Variants in YY1 observed in about 807,000 individuals in gnomAD.
YY1 encodes transcriptional repressor protein YY1.
YY1 carries 2 observed loss-of-function variants against 35.6 expected under a neutral mutation model. The ratio of observed to expected loss-of-function variants is 0.06; its 90% CI spans 0.02 to 0.18. The LOEUF (loss-of-function observed/expected upper bound fraction) is 0.18. Among genes scored for constraint, YY1 ranks in the 10% least tolerant of loss-of-function variants. The probability of loss-of-function intolerance (pLI) is 1.00; values close to 1 mark genes in which losing one functional copy is unlikely to be tolerated. For missense variants in YY1, 322 were observed against 573.4 expected (o/e 0.56, Z 4.48); for synonymous variants, 268 against 238.9 (o/e 1.12, Z -1.12).
intron 1 of YY1, among the ~76,000 whole-genome samples, chr14:100,247,265 C>T (rs1890847344): frequency 6.6e-6 from 1 of 152,172 alleles, no homozygotes; most frequent in Non-Finnish European, 1.5e-5. Flanking sequence ...ATGAATGTTA[C>T]TTAGTATTTG....
Position 100,281,915 on chromosome 14 carries a change from G to A in YY1, c.*4315G>A, listed in dbSNP as rs942503278. On this transcript the variant is annotated 3_prime_UTR_variant, in exon 5 of 5. Coordinates refer to ENST00000262238, the MANE Select transcript of YY1 (RefSeq NM_003403.5). ...TCCTGGCATCCACCCCCAGGCCCAA[G>A]GGATCAGTGTGGTGCCAGAGAGGAT... is the stretch of plus-strand genomic sequence containing the variant. The A allele has an allele frequency of 2.0e-5, 3 of 152,232 alleles. No individual in the cohort carries two copies. Among genetic ancestry groups the A allele is most frequent in the African/African-American group, 7.2e-5 (3 of 41,452 alleles). The allele number at this position is 152,232 out of a possible 1,614,324, so 9.4% of individuals were successfully genotyped here.
rs112354737 is a variant in YY1, at chr14:100,279,470, T to G, written c.*1870T>G. ...ATGAAACATTTAACTTGAGACCCTT[T>G]AAAAAATTCATCCAGAATCTGTTAC... On this transcript the variant is annotated 3_prime_UTR_variant, in exon 5 of 5. Coordinates refer to ENST00000262238, the MANE Select transcript of YY1 (RefSeq NM_003403.5). The G allele has an allele frequency of 3.9e-5, 6 of 152,288 alleles. No homozygotes were observed. The East Asian group carries it at 1.2e-3, about 29-fold the overall frequency. The allele number at this position is 152,288 out of a possible 1,614,324, so 9.4% of individuals were successfully genotyped here.
intron 1 of YY1, among the ~76,000 whole-genome samples, chr14:100,253,644 A>T (rs1017829990): frequency 6.6e-6 from 1 of 152,054 alleles, no homozygotes; most frequent in Non-Finnish European, 1.5e-5. Context: ...AGCCTGCCTC[A>T]GCCTCCCAAA....
At chr14:100,243,676 T>C (rs946112239) in intron 1 of YY1, among the ~76,000 whole-genome samples, 1 of 151,936 alleles carries the variant, frequency 6.6e-6, no homozygotes, top group African/African-American at 2.4e-5. Context: ...TGGTAGCACA[T>C]GCCTGTAGTC....
intron 1 of YY1, among the ~76,000 whole-genome samples, chr14:100,251,725 C>T (rs138057831): frequency 0.012 from 1,813 of 152,278 alleles, 22 homozygotes; most frequent in Non-Finnish European, 0.019. Context: ...CTTATAAGAT[C>T]AGTGGTATCC....
At position 100,272,304 on chromosome 14, in the gene YY1, AAAAAAG is replaced by A. The variant is rs201108080; in HGVS notation, c.843-2390_843-2385del. On this transcript the variant is annotated intron_variant, in intron 2 of 4. Coordinates refer to ENST00000262238, the MANE Select transcript of YY1 (RefSeq NM_003403.5). ...GAGTGAGACTCTGTCTCAAAAAAAA[AAAAAAG>A]AAAGAAAAGGAAAAGAGAAAATGTT... Among the ~76,000 whole-genome samples, 85 of 152,058 alleles carry A rather than the reference AAAAAAG, an allele frequency of 5.6e-4. 2 individuals are homozygous for A. The highest frequency in any genetic ancestry group is 1.9e-3 in the African/African-American group (77 of 41,524).
chr14:100,244,685 C>T lies in YY1; in HGVS notation c.679+4762C>T, dbSNP rs546202364. ...GCAGCCTCAACCTCCCGGGCTGAAG[C>T]GATCCTCCCACCTCAGCCTTCCAAG... On this transcript the variant is annotated intron_variant, in intron 1 of 4. Coordinates refer to ENST00000262238, the MANE Select transcript of YY1 (RefSeq NM_003403.5). Among the ~76,000 whole-genome samples, 26 of 150,472 alleles carry T rather than the reference C, an allele frequency of 1.7e-4. No homozygotes were observed. In the East Asian group the frequency reaches 3.6e-3, roughly 21 times the overall value.
At chr14:100,260,852 G>A (rs1321763772) in intron 1 of YY1, among the ~76,000 whole-genome samples, 1 of 124,384 alleles carries the variant, frequency 8.0e-6, no homozygotes, top group Non-Finnish European at 1.6e-5. Context: ...CAGTGACGCA[G>A]TGACGTGGTC....
At chr14:100,259,539 G>A (rs1891051569) in intron 1 of YY1, among the ~76,000 whole-genome samples, 1 of 151,762 alleles carries the variant, frequency 6.6e-6, no homozygotes, top group Non-Finnish European at 1.5e-5. Flanking sequence ...AAAGAGGCAA[G>A]ACCAACAAAA....
At position 100,239,571 on chromosome 14, in the gene YY1, C is replaced by T. The variant is rs779889821; in HGVS notation, c.327C>T (p.Arg109=). The T allele has an allele frequency of 2.9e-5, 46 of 1,612,484 alleles. No homozygotes were observed. Among genetic ancestry groups the T allele is most frequent in the Non-Finnish European group, 5.1e-6 (6 of 1,179,698 alleles). Reference sequence around the variant, plus strand: ...AGGAGGTGATCCTGGTGCAGACGCGCGAGGAGGTGGTGGGCGGCGACGACT... The same window carrying T: ...AGGAGGTGATCCTGGTGCAGACGCGTGAGGAGGTGGTGGGCGGCGACGACT... ...HHQEVILVQT[R]EEVVGGDDSD... Residue 109 remains arginine, a synonymous_variant, in exon 1 of 5, where the codon CGC becomes CGT. Coordinates refer to ENST00000262238, the MANE Select transcript of YY1 (RefSeq NM_003403.5).
At position 100,239,599 on chromosome 14, in the gene YY1, G is replaced by A. The variant is rs1890693071; in HGVS notation, c.355G>A (p.Asp119Asn). ...GGAGGTGGTGGGCGGCGACGACTCG[G>A]ACGGGCTGCGCGCCGAGGACGGCTT... ...REEVVGGDDS[D>N]GLRAEDGFED... Residue 119 changes from aspartate to asparagine, a missense_variant, in exon 1 of 5, where the codon GAC becomes AAC. By Grantham distance (23) the Asp-to-Asn change is conservative. Coordinates refer to ENST00000262238, the MANE Select transcript of YY1 (RefSeq NM_003403.5). The A allele has an allele frequency of 6.2e-7, 1 of 1,612,274 alleles. No homozygotes were observed. Among genetic ancestry groups the A allele is most frequent in the African/African-American group, 1.3e-5 (1 of 74,860 alleles).
chr14:100,253,978 C>T (rs1011137370), intron 1 of YY1, among the ~76,000 whole-genome samples: 3 of 151,894 alleles, frequency 2.0e-5, no homozygotes, highest in Non-Finnish European at 4.4e-5. Context: ...TACAGGTGCC[C>T]GCTACCACAC....
At chr14:100,244,463 G>GCTAC (rs1317404220) in intron 1 of YY1, among the ~76,000 whole-genome samples, 1 of 149,252 alleles carries the variant, frequency 6.7e-6, no homozygotes, top group Non-Finnish European at 1.5e-5. Context: ...TTGTATTTTT[G>GCTAC]GTAGAGACGA....
In YY1 at chr14:100,254,783, T is replaced by A. The variant is rs553152194; in HGVS notation, c.680-7521T>A. Among the ~76,000 whole-genome samples, 1,171 of 147,490 alleles carry A rather than the reference T, an allele frequency of 7.9e-3. 15 individuals carry two copies. The highest frequency in any genetic ancestry group is 0.015 in the African/African-American group (604 of 39,522). On this transcript the variant is annotated intron_variant, in intron 1 of 4. Coordinates refer to ENST00000262238, the MANE Select transcript of YY1 (RefSeq NM_003403.5). ...ATTTTATTTATTTATTTATTTTTTT[T>A]TTTTTTTGAGTCGAAGTCTCACAGT...
At chr14:100,240,810 C>A (rs1477331968) in intron 1 of YY1, among the ~76,000 whole-genome samples, 1 of 151,526 alleles carries the variant, frequency 6.6e-6, no homozygotes, top group Non-Finnish European at 1.5e-5. Flanking sequence ...TTTTTTTTCC[C>A]TCAAGTATTT....
intron 1 of YY1, among the ~76,000 whole-genome samples, chr14:100,258,628 C>G (rs1425163739): frequency 6.6e-6 from 1 of 152,178 alleles, no homozygotes; most frequent in African/African-American, 2.4e-5. Flanking sequence ...GCTGGGATTA[C>G]AGGCGTGAGC....
chr14:100,277,290 A>C lies in YY1; in HGVS notation c.1063-128A>C, dbSNP rs1891336003. 19 of 1,193,574 alleles carry C rather than the reference A, an allele frequency of 1.6e-5. 1 individual carries two copies. In the South Asian group the frequency reaches 2.4e-4, roughly 15 times the overall value. The allele number at this position is 1,193,574 out of a possible 1,614,324, so 73.9% of individuals were successfully genotyped here. On this transcript the variant is annotated intron_variant, in intron 4 of 4. Transcript: ENST00000262238. The surrounding 1 kb of genome is among the most constrained non-coding windows in gnomAD (Gnocchi z 5.6). ...ATTCTAGACTATATCCACAAAGTTC[A>C]CCCAGGGCAGGAATGAAAAGTGTTT...
At chr14:100,244,105 C>A (rs1406209498) in intron 1 of YY1, among the ~76,000 whole-genome samples, 1 of 144,802 alleles carries the variant, frequency 6.9e-6, no homozygotes, top group East Asian at 2.0e-4. Context: ...AAGACTCCGT[C>A]TCCAAAAAAA....
At chr14:100,245,866 C>T (rs1160239821) in intron 1 of YY1, among the ~76,000 whole-genome samples, 1 of 152,176 alleles carries the variant, frequency 6.6e-6, no homozygotes, top group African/African-American at 2.4e-5. Context: ...CCCAGCCTCC[C>T]AAAGTGCTGG....
Sources: gnomAD v4.1 joint callset for allele counts (sites outside exome capture counted in the v4.1 genomes callset) on GRCh38, gnomAD v4.1.1 for gene constraint, Gnocchi (gnomAD v3.1) non-coding constraint, MANE v1.5 for transcripts, NCBI Gene and HGNC (gene_info 2026-07-23, HGNC 2026-07-21) for gene names.